KCNH7: variants seen among roughly 807,000 people sequenced by gnomAD.
KCNH7 encodes voltage-gated inwardly rectifying potassium channel KCNH7.
Under a neutral mutation model 120.8 loss-of-function variants are expected in KCNH7, and 49 were observed. That is an observed-to-expected ratio of 0.41 (90% CI 0.32 to 0.51). The LOEUF (loss-of-function observed/expected upper bound fraction) is 0.51, where lower values mean the gene tolerates loss of function less well. Ranked by LOEUF, KCNH7 falls within the 20% of genes least tolerant of loss-of-function variation. The probability of loss-of-function intolerance (pLI) is 0.38; values close to 1 mark genes in which losing one functional copy is unlikely to be tolerated. For missense variants in KCNH7, 1,097 were observed against 1,446.6 expected (o/e 0.76, Z 3.92); for synonymous variants, 547 against 516.1 (o/e 1.06, Z -0.81).
chr2:162,478,383 G>A (rs1689816605), intron 6 of KCNH7, among the ~76,000 whole-genome samples: 1 of 152,054 alleles, frequency 6.6e-6, no homozygotes, highest in African/African-American at 2.4e-5. Context: ...AGGTCAGGGG[G>A]CACCATGTAT....
rs1683091813 is a variant in KCNH7 at position 162,614,856 on chromosome 2, T to C, written c.308-77776A>G. 3.9e-5 allele frequency among the ~76,000 whole-genome samples: 6 copies of C among 151,934 alleles called. No homozygotes were observed. In the South Asian group the frequency reaches 1.2e-3, roughly 32 times the overall value. On this transcript the variant is annotated intron_variant, in intron 2 of 15. Coordinates refer to ENST00000332142, the MANE Select transcript of KCNH7 (RefSeq NM_033272.4). Reference sequence around the variant, plus strand: ...CTACTGAACTATATTTGTACTCTTATATTTCTTCAGCTGAGTAGAAAGTTC... The same window carrying C: ...CTACTGAACTATATTTGTACTCTTACATTTCTTCAGCTGAGTAGAAAGTTC...
chr2:162,816,853 A>AT (rs749276255), intron 2 of KCNH7, among the ~76,000 whole-genome samples: 13 of 152,108 alleles, frequency 8.5e-5, no homozygotes, highest in Non-Finnish European at 1.3e-4. Flanking sequence ...AATGTTGAAA[A>AT]TTTTTTTTAA....
At chr2:162,603,564 G>C (rs2105957006) in intron 2 of KCNH7, among the ~76,000 whole-genome samples, 1 of 152,196 alleles carries the variant, frequency 6.6e-6, no homozygotes, top group East Asian at 1.9e-4. Flanking sequence ...AGTAAAAGCT[G>C]GGTATGGTGG....
chr2:162,787,717 T>G (rs1275787761), intron 2 of KCNH7, among the ~76,000 whole-genome samples: 2 of 151,932 alleles, frequency 1.3e-5, no homozygotes, highest in Non-Finnish European at 2.9e-5. Flanking sequence ...CCAGATAACA[T>G]CAGTTCAGAT....
chr2:162,510,536 T>C lies in KCNH7; in HGVS notation c.913+2118A>G, dbSNP rs150200740. 5.2e-3 allele frequency among the ~76,000 whole-genome samples: 790 copies of C among 151,720 alleles called. 12 individuals carry two copies. Among genetic ancestry groups the C allele is most frequent in the African/African-American group, 0.018 (747 of 41,498 alleles). ...CAAGGTATTTAGCCAATACCTCACC[T>C]GACATGAATAAATCAGATGATATTG... is the stretch of plus-strand genomic sequence containing the variant. On this transcript the variant is annotated intron_variant, in intron 5 of 15. Coordinates refer to ENST00000332142, the MANE Select transcript of KCNH7 (RefSeq NM_033272.4).
At position 162,836,524 on chromosome 2, in the gene KCNH7, A is replaced by G. The variant is rs1197042010; in HGVS notation, c.307+13T>C. ...GGATCAAATAGAAGGAATCCTAAAT[A>G]GAGGAATTTTACCATTTTTGTGATA... is the stretch of plus-strand genomic sequence containing the variant. On this transcript the variant is annotated intron_variant, in intron 2 of 15. Coordinates refer to ENST00000332142, the MANE Select transcript of KCNH7 (RefSeq NM_033272.4). The G allele has an allele frequency of 6.3e-7, 1 of 1,598,578 alleles. No individual in the cohort carries two copies. The highest frequency in any genetic ancestry group is 1.1e-5 in the South Asian group (1 of 90,484).
At chr2:162,655,207 G>A (rs1017269392) in intron 2 of KCNH7, among the ~76,000 whole-genome samples, 9 of 152,126 alleles carry the variant, frequency 5.9e-5, no homozygotes, top group South Asian at 2.1e-4. Flanking sequence ...TAATGTATAC[G>A]TATTTCAAAA....
chr2:162,379,847 T>G lies in KCNH7; in HGVS notation c.3131+6A>C, dbSNP rs767719953. The stretch of plus-strand genomic sequence containing the variant: ...ATGTTCTCCTTTTGCCCATCACTGC[T>G]TATACCTGTTAAGTTGCTCCTGGAG... On this transcript the variant is annotated splice_donor_region_variant and intron_variant, in intron 14 of 15. Transcript: ENST00000332142. 1 of 1,613,832 alleles carries G rather than the reference T, an allele frequency of 6.2e-7. No homozygotes were observed. Among genetic ancestry groups the G allele is most frequent in the Non-Finnish European group, 8.5e-7 (1 of 1,179,816 alleles).
intron 2 of KCNH7, among the ~76,000 whole-genome samples, chr2:162,830,463 T>G (rs975483872): frequency 9.9e-5 from 15 of 152,086 alleles, no homozygotes; most frequent in African/African-American, 3.6e-4. Flanking sequence ...TCAATAAGCC[T>G]AACAACATAG....
intron 2 of KCNH7, among the ~76,000 whole-genome samples, chr2:162,665,033 C>T (rs753661793): frequency 7.9e-5 from 12 of 152,100 alleles, no homozygotes; most frequent in Non-Finnish European, 1.5e-4. Context: ...ATACTCAACT[C>T]ATTTTGTAAT....
rs113401237 is a variant in KCNH7 at position 162,665,509 on chromosome 2, C to T, written c.308-128429G>A. On this transcript the variant is annotated intron_variant, in intron 2 of 15. Transcript: ENST00000332142. Reference sequence around the variant, plus strand: ...GTTTGGCACCAAAAATGTGAAATTACCAGAAAAAACTAAATTTGTCATTTC... The same window carrying T: ...GTTTGGCACCAAAAATGTGAAATTATCAGAAAAAACTAAATTTGTCATTTC... Among the ~76,000 whole-genome samples the T allele has an allele frequency of 9.3e-3, 1,417 of 152,140 alleles. 26 individuals carry two copies. Among genetic ancestry groups the T allele is most frequent in the African/African-American group, 0.032 (1,332 of 41,542 alleles).
At chr2:162,691,968 A>T (rs894427856) in intron 2 of KCNH7, among the ~76,000 whole-genome samples, 1 of 152,036 alleles carries the variant, frequency 6.6e-6, no homozygotes, top group Admixed American at 6.6e-5. Context: ...AAAAGCTTAC[A>T]TTTTTCTCCT....
intron 2 of KCNH7, among the ~76,000 whole-genome samples, chr2:162,687,898 G>T (rs1272093479): frequency 6.6e-6 from 1 of 152,064 alleles, no homozygotes; most frequent in Non-Finnish European, 1.5e-5. Context: ...GTACAATGCA[G>T]GTTAATGTTA....
At chr2:162,483,406 CAG>C (rs529864579) in intron 6 of KCNH7, among the ~76,000 whole-genome samples, 1 of 152,068 alleles carries the variant, frequency 6.6e-6, no homozygotes, top group Non-Finnish European at 1.5e-5. Context: ...TCTTTTGAAA[CAG>C]ATTTCAATTT....
chr2:162,779,025 A>C (rs1178903923), intron 2 of KCNH7, among the ~76,000 whole-genome samples: 1 of 151,906 alleles, frequency 6.6e-6, no homozygotes, highest in Non-Finnish European at 1.5e-5. Context: ...TCCAAAAAAA[A>C]CTTTATTGTA....
At chr2:162,614,803 G>A (rs1300668486) in intron 2 of KCNH7, among the ~76,000 whole-genome samples, 3 of 150,834 alleles carry the variant, frequency 2.0e-5, no homozygotes, top group Non-Finnish European at 4.4e-5. Context: ...TAGGTGGTAA[G>A]AAGGGAAGAA....
chr2:162,541,660 G>A (rs997027572), intron 2 of KCNH7, among the ~76,000 whole-genome samples: 1 of 152,024 alleles, frequency 6.6e-6, no homozygotes, highest in Non-Finnish European at 1.5e-5. Context: ...AGATACATGT[G>A]GGGGAACAAC....
chr2:162,813,491 A>C (rs1431057061), intron 2 of KCNH7, among the ~76,000 whole-genome samples: 3 of 152,142 alleles, frequency 2.0e-5, no homozygotes, highest in Non-Finnish European at 4.4e-5. Flanking sequence ...AACTTCTAAA[A>C]TCTTTGGGTT....
At chr2:162,463,628 GT>G (rs1689220104) in intron 6 of KCNH7, among the ~76,000 whole-genome samples, 1 of 151,926 alleles carries the variant, frequency 6.6e-6, no homozygotes, top group African/African-American at 2.4e-5. Context: ...TCAAAAACAT[GT>G]AAGGAGGATG....
Sources: gnomAD v4.1 joint callset for allele counts (sites outside exome capture counted in the v4.1 genomes callset) on GRCh38, gnomAD v4.1.1 for gene constraint, MANE v1.5 for transcripts, NCBI Gene and HGNC (gene_info 2026-07-23, HGNC 2026-07-21) for gene names.